The following AIF1 variants were observed in gnomAD, a reference collection of about 807,000 sequenced individuals.
AIF1 encodes the protein allograft inflammatory factor 1, also known as interferon gamma responsive transcript.
A neutral mutation model predicts 20.6 loss-of-function variants in AIF1; 21 were observed. That is an observed-to-expected ratio of 1.02 (90% CI 0.72 to 1.47). The LOEUF is 1.47. AIF1 is among the 40% of genes most tolerant of loss of function. AIF1 has a pLI of 0.00. For missense variants in AIF1, 161 were observed against 170.5 expected (o/e 0.94, Z 0.31); for synonymous variants, 52 against 65.8 (o/e 0.79, Z 1.01).
chr6:31,616,595 G>T lies in AIF1; in HGVS notation c.359+89G>T, dbSNP rs1343999616. On this transcript the variant is annotated intron_variant, in intron 5 of 5. Transcript: ENST00000376059. This position sits in a 1 kb window ranked among gnomAD's most constrained non-coding sequence, Gnocchi z 4.0. ...GTCCACAGGCTCAACATTTCTACAC[G>T]TTGCCCATCATCCCTTCTTCCATCC... 5 of 1,522,214 alleles carry T rather than the reference G, an allele frequency of 3.3e-6. No homozygotes were observed. In the East Asian group the frequency reaches 1.1e-4, roughly 35 times the overall value. The allele number at this position is 1,522,214 out of a possible 1,614,324, so 94.3% of individuals were successfully genotyped here. A position where few individuals can be genotyped will look rare whatever the true frequency, so the allele number is the denominator to read the frequency against.
rs113261526 is a variant in AIF1, at chr6:31,616,498, C to T, written c.351C>T (p.Ile117=). The T allele has an allele frequency of 3.5e-5, 57 of 1,605,844 alleles. 2 individuals are homozygous for T. In the African/African-American group the frequency reaches 4.1e-4, roughly 12 times the overall value. Residue 117 remains isoleucine (I), a synonymous_variant, in exon 5 of 6, where the codon ATC becomes ATT. Transcript: ENST00000376059. The surrounding 1 kb of genome is among the most constrained non-coding windows in gnomAD (Gnocchi z 4.0). ...LRMMLGKRSA[I]LKMILMYEEK... ...TGATGCTGGGCAAGAGATCTGCCAT[C>T]CTAAAAATGTGAGTGTCAATTTCCA...
rs2150457309 is a variant in AIF1, at chr6:31,615,365, TGGG to T, written c.25+12_25+14del. The T allele has an allele frequency of 5.9e-6, 5 of 840,390 alleles. No individual in the cohort carries two copies. Among genetic ancestry groups the T allele is most frequent in the Non-Finnish European group, 9.7e-6 (5 of 514,480 alleles). 52.1% of individuals were successfully genotyped at this position (840,390 alleles called of 1,614,324 possible). A position where few individuals can be genotyped will look rare whatever the true frequency, so the allele number is the denominator to read the frequency against. On this transcript the variant is annotated intron_variant, in intron 1 of 5. Transcript: ENST00000376059. The stretch of plus-strand genomic sequence containing the variant: ...CCAGGGATTTACAGGGTAGGGAGGG[TGGG>T]ATAGGCAGCGGCATTAGATCGGAGG...
chr6:31,615,940 T>C, intron 3 of AIF1, 164 bp from the exon 4 acceptor site: 1 of 1,477,708 alleles, frequency 6.8e-7, no homozygotes. Flanking sequence ...CCTTACACCC[T>C]AGCGGGGCCC....
At chr6:31,615,468 G>C in intron 1 of AIF1, 53 bp from the exon 2 acceptor site, 1 of 1,613,768 alleles carries the variant, frequency 6.2e-7, no homozygotes, top group Non-Finnish European at 8.5e-7. Context: ...CTGGTGTCAG[G>C]GTAAGGAGAG....
chr6:31,615,901 GC>G, intron 3 of AIF1, 165 bp downstream of exon 3: 2 of 1,479,218 alleles, frequency 1.4e-6, no homozygotes, highest in Non-Finnish European at 1.8e-6. Context: ...CCTTTCCCGG[GC>G]CTGCCTCTCT....
In AIF1 at chr6:31,615,521, G is replaced by C. The variant is rs1333526060; in HGVS notation, c.26G>C (p.Gly9Ala). Residue 9 changes from glycine (G) to alanine (A), a missense_variant and splice_region_variant, in exon 2 of 6, where the codon GGA becomes GCA. Transcript: ENST00000376059. MSQTRDLQ[G>A]GKAFGLLKAQ... Reference sequence around the variant, plus strand: ...CTGATTAATTTTTTTCACCCCACAGGAGGAAAAGCTTTCGGACTGCTGAAG... The same window carrying C: ...CTGATTAATTTTTTTCACCCCACAGCAGGAAAAGCTTTCGGACTGCTGAAG... 6.2e-7 allele frequency: 1 copy of C among 1,613,692 alleles called. No individual in the cohort carries two copies. Among genetic ancestry groups the C allele is most frequent in the Non-Finnish European group, 8.5e-7 (1 of 1,180,002 alleles).
chr6:31,615,728 G>C lies in AIF1; in HGVS notation c.146G>C (p.Gly49Ala), dbSNP rs781418325. The change falls in exon 3 of 6, where the codon GGC becomes GCC. Residue 49 changes from glycine to alanine, a missense_variant. By Grantham distance (60) the Gly-to-Ala change is moderately conservative. Transcript: ENST00000376059. ...SDEDLPSKLE[G>A]FKEKYMEFDL... ...GAGGATCTGCCCTCCAAACTGGAAG[G>C]CTTCAAAGGTGAGGGGGAAACTGTA... 1.2e-6 allele frequency: 2 copies of C among 1,608,958 alleles called. No homozygotes were observed. The highest frequency in any genetic ancestry group is 8.5e-7 in the Non-Finnish European group (1 of 1,177,636).
At chr6:31,615,438 C>G in intron 1 of AIF1, 83 bp from the exon 2 acceptor site, 1 of 1,613,336 alleles carries the variant, frequency 6.2e-7, no homozygotes. Flanking sequence ...GGGCAGTCAG[C>G]TGGCCTAGGG....
chr6:31,616,403 C>A lies in AIF1; in HGVS notation c.256C>A (p.Leu86Ile), dbSNP rs141116503. ...KLGVPKTHLE[L>I]KKLIGEVSSG... ...TGGAGTCCCCAAGACTCACCTAGAG[C>A]TAAAGAAATTAATTGGAGAGGTGTC... The change falls in exon 5 of 6, where the codon CTA becomes ATA. Residue 86 changes from leucine (L) to isoleucine (I), a missense_variant. Transcript: ENST00000376059. This position sits in a 1 kb window ranked among gnomAD's most constrained non-coding sequence, Gnocchi z 4.0. The A allele has an allele frequency of 4.2e-4, 677 of 1,613,010 alleles. 2 individuals carry two copies. Among genetic ancestry groups the A allele is most frequent in the Middle Eastern group, 4.0e-3 (24 of 6,062 alleles).
In AIF1 at chr6:31,616,293, G is replaced by GGA. The variant is rs772215997; in HGVS notation, c.197-43_197-42dup. On this transcript the variant is annotated intron_variant, in intron 4 of 5. Transcript: ENST00000376059. This position sits in a 1 kb window ranked among gnomAD's most constrained non-coding sequence, Gnocchi z 4.0. The stretch of plus-strand genomic sequence containing the variant: ...AGAATGGGGATGCGGAAGTGGGAGA[G>GGA]GAGAGAGAGGGTCTCCCCACCTTCT... 6.2e-7 allele frequency: 1 copy of GGA among 1,612,890 alleles called. No individual in the cohort carries two copies.
chr6:31,616,638 A>G lies in AIF1; in HGVS notation c.359+132A>G. 6.7e-7 allele frequency: 1 copy of G among 1,486,316 alleles called. No individual in the cohort carries two copies. The highest frequency in any genetic ancestry group is 9.0e-7 in the Non-Finnish European group (1 of 1,117,238). 92.1% of individuals were successfully genotyped at this position (1,486,316 alleles called of 1,614,324 possible). A position where few individuals can be genotyped will look rare whatever the true frequency, so the allele number is the denominator to read the frequency against. Reference sequence around the variant, plus strand: ...TTCCATCCTTAGAGGGACCCTTCCAAGGTCCCGACCCCATCCCTATCCATA... The same window carrying G: ...TTCCATCCTTAGAGGGACCCTTCCAGGGTCCCGACCCCATCCCTATCCATA... On this transcript the variant is annotated intron_variant, in intron 5 of 5. Coordinates refer to ENST00000376059, the MANE Select transcript of AIF1 (RefSeq NM_001623.5). The surrounding 1 kb of genome is among the most constrained non-coding windows in gnomAD (Gnocchi z 4.0).
At position 31,616,924 on chromosome 6, in the gene AIF1, G is replaced by A. The variant is rs368501336; in HGVS notation, c.*24G>A. ...GATTTGAAGGGAAAAGGGATGATGGGATTGAAGGGGCTTCTAATGACCCAG... is the reference window on the plus strand; with the variant it reads ...GATTTGAAGGGAAAAGGGATGATGGAATTGAAGGGGCTTCTAATGACCCAG... On this transcript the variant is annotated 3_prime_UTR_variant, in exon 6 of 6. Transcript: ENST00000376059. This position sits in a 1 kb window ranked among gnomAD's most constrained non-coding sequence, Gnocchi z 4.0. 1.2e-6 allele frequency: 2 copies of A among 1,613,892 alleles called. No homozygotes were observed. The highest frequency in any genetic ancestry group is 1.3e-5 in the African/African-American group (1 of 74,910).
At chr6:31,615,385 G>C in intron 1 of AIF1, 31 bp downstream of exon 1, 1 of 1,613,264 alleles carries the variant, frequency 6.2e-7, no homozygotes, top group South Asian at 1.1e-5. Flanking sequence ...AGCGGCATTA[G>C]ATCGGAGGAA....
At position 31,615,365 on chromosome 6, in the gene AIF1, T is replaced by A; in HGVS notation, c.25+11T>A. 2.4e-6 allele frequency: 2 copies of A among 840,400 alleles called. No homozygotes were observed. The highest frequency in any genetic ancestry group is 3.9e-6 in the Non-Finnish European group (2 of 514,490). The allele number at this position is 840,400 out of a possible 1,614,324, so 52.1% of individuals were successfully genotyped here. On this transcript the variant is annotated intron_variant, in intron 1 of 5. Transcript: ENST00000376059. ...CCAGGGATTTACAGGGTAGGGAGGG[T>A]GGGATAGGCAGCGGCATTAGATCGG... is the stretch of plus-strand genomic sequence containing the variant.
Position 31,616,331 on chromosome 6 carries a change from C to A in AIF1, c.197-13C>A, listed in dbSNP as rs1489658254. On this transcript the variant is annotated splice_polypyrimidine_tract_variant and intron_variant, in intron 4 of 5. Coordinates refer to ENST00000376059, the MANE Select transcript of AIF1 (RefSeq NM_001623.5). This position sits in a 1 kb window ranked among gnomAD's most constrained non-coding sequence, Gnocchi z 4.0. ...CTCCCCACCTTCTCCCCATCCCCAT[C>A]CTCTGCCCCCAGATATCATGTCCCT... 6.2e-7 allele frequency: 1 copy of A among 1,612,876 alleles called. No homozygotes were observed. Among genetic ancestry groups the A allele is most frequent in the Non-Finnish European group, 8.5e-7 (1 of 1,180,016 alleles).
Position 31,615,503 on chromosome 6 carries a change from A to AT in AIF1, c.26-11dup, listed in dbSNP as rs1476696033. On this transcript the variant is annotated splice_polypyrimidine_tract_variant and intron_variant, in intron 1 of 5. Coordinates refer to ENST00000376059, the MANE Select transcript of AIF1 (RefSeq NM_001623.5). ...GGAAGGGAGGGATGAGGGCTGATTA[A>AT]TTTTTTTCACCCCACAGGAGGAAAA... 21 of 1,613,462 alleles carry AT rather than the reference A, an allele frequency of 1.3e-5. No individual in the cohort carries two copies. Among genetic ancestry groups the AT allele is most frequent in the Non-Finnish European group, 1.7e-5 (20 of 1,179,936 alleles).
chr6:31,616,951 T>C lies in AIF1; in HGVS notation c.*51T>C, dbSNP rs897398615. On this transcript the variant is annotated 3_prime_UTR_variant, in exon 6 of 6. Transcript: ENST00000376059. The surrounding 1 kb of genome is among the most constrained non-coding windows in gnomAD (Gnocchi z 4.0). ...TTGAAGGGGCTTCTAATGACCCAGATATGGAAACAGAAGACAAAATTGTAA... is the reference window on the plus strand; with the variant it reads ...TTGAAGGGGCTTCTAATGACCCAGACATGGAAACAGAAGACAAAATTGTAA... 3.1e-6 allele frequency: 5 copies of C among 1,608,550 alleles called. No homozygotes were observed. The highest frequency in any genetic ancestry group is 4.2e-6 in the Non-Finnish European group (5 of 1,177,122).
intron 3 of AIF1, 106 bp from the exon 4 acceptor site, chr6:31,615,998 C>A (rs904032616): frequency 1.3e-6 from 2 of 1,521,186 alleles, no homozygotes; most frequent in Non-Finnish European, 1.8e-6. Context: ...CTCCTCCTTC[C>A]ACGTTGTCTC....
chr6:31,615,978 C>T, intron 3 of AIF1, 126 bp from the exon 4 acceptor site: 1 of 1,513,874 alleles, frequency 6.6e-7, no homozygotes. Context: ...ACTTCCTCTG[C>T]CTGCCCCTCC....
Sources: gnomAD v4.1 joint callset for allele counts on GRCh38, gnomAD v4.1.1 for gene constraint, Gnocchi (gnomAD v3.1) non-coding constraint, MANE v1.5 for transcripts, NCBI Gene and HGNC (gene_info 2026-07-23, HGNC 2026-07-21) for gene names.